Variants in ARHGEF28 observed in about 807,000 individuals in gnomAD.
ARHGEF28 encodes the protein Rho guanine nucleotide exchange factor 28.
Under a neutral mutation model 206.6 loss-of-function variants are expected in ARHGEF28, and 152 were observed. The ratio of observed to expected loss-of-function variants is 0.74; its 90% CI spans 0.64 to 0.84. ARHGEF28 has a LOEUF of 0.84. ARHGEF28 is among the 40% of genes least tolerant of loss of function. The pLI, the probability that ARHGEF28 is intolerant of heterozygous loss-of-function variation, is 0.00. For missense variants in ARHGEF28, 2,028 were observed against 2,073.2 expected, an observed-to-expected ratio of 0.98 and a Z score of 0.42; for synonymous variants, 763 against 776.4, an observed-to-expected ratio of 0.98 and a Z score of 0.29.
chr5:73,753,843 T>A (rs1455316626), intron 4 of ARHGEF28, among the ~76,000 whole-genome samples: 1 of 152,138 alleles, frequency 6.6e-6, no homozygotes, highest in Non-Finnish European at 1.5e-5. Flanking sequence ...AAAAATAAAA[T>A]CTTTTTTTGA....
At chr5:73,860,404 C>T (rs1759324230) in intron 16 of ARHGEF28, among the ~76,000 whole-genome samples, 1 of 152,022 alleles carries the variant, frequency 6.6e-6, no homozygotes, top group South Asian at 2.1e-4. Context: ...CGTAGGGAGA[C>T]CATATGTGGG....
chr5:73,755,391 G>T (rs1256019498), intron 4 of ARHGEF28, among the ~76,000 whole-genome samples: 2 of 152,038 alleles, frequency 1.3e-5, no homozygotes, highest in African/African-American at 2.4e-5. Context: ...GAGCATCACA[G>T]CCTCACGCAG....
At chr5:73,916,514 C>T (rs960881753) in intron 35 of ARHGEF28, among the ~76,000 whole-genome samples, 3 of 152,198 alleles carry the variant, frequency 2.0e-5, no homozygotes, top group East Asian at 1.9e-4. Context: ...CCTTGACTTG[C>T]GGATGAGATG....
intron 1 of ARHGEF28, among the ~76,000 whole-genome samples, chr5:73,673,113 A>G (rs1746447663): frequency 6.6e-6 from 1 of 152,234 alleles, no homozygotes; most frequent in Non-Finnish European, 1.5e-5. Flanking sequence ...AAACAGGTCT[A>G]TAGACACTGT....
chr5:73,647,809 C>G (rs1302135147), intron 1 of ARHGEF28, among the ~76,000 whole-genome samples: 1 of 152,236 alleles, frequency 6.6e-6, no homozygotes, highest in Non-Finnish European at 1.5e-5. Flanking sequence ...CTTAATTACT[C>G]TCTACTCCTA....
At chr5:73,748,171 T>C (rs1259407104) in intron 2 of ARHGEF28, among the ~76,000 whole-genome samples, 1 of 152,234 alleles carries the variant, frequency 6.6e-6, no homozygotes, top group Non-Finnish European at 1.5e-5. Context: ...CTCTCAGTCA[T>C]GTTAGACATT....
At chr5:73,888,236 T>C (rs369260973) in intron 26 of ARHGEF28, among the ~76,000 whole-genome samples, 1 of 152,230 alleles carries the variant, frequency 6.6e-6, no homozygotes, top group African/African-American at 2.4e-5. Flanking sequence ...TGACAGAAGA[T>C]TCTTTCTTAT....
chr5:73,886,239 T>G (rs1032420901), intron 25 of ARHGEF28, 135 bp downstream of exon 25: 2 of 1,172,080 alleles, frequency 1.7e-6, no homozygotes, highest in Non-Finnish European at 2.3e-6. Flanking sequence ...AAAGATTGAT[T>G]TGTGAATTTC....
chr5:73,864,552 CAT>C (rs1263300708), intron 16 of ARHGEF28, among the ~76,000 whole-genome samples: 1 of 152,140 alleles, frequency 6.6e-6, no homozygotes, highest in Non-Finnish European at 1.5e-5. Flanking sequence ...GTATATCATT[CAT>C]AACTTCAGAT....
At chr5:73,690,939 T>A (rs1386945728) in intron 2 of ARHGEF28, among the ~76,000 whole-genome samples, 1 of 148,502 alleles carries the variant, frequency 6.7e-6, no homozygotes, top group Non-Finnish European at 1.5e-5. Flanking sequence ...AAGTTCCACC[T>A]TTTTTTTTTG....
intron 4 of ARHGEF28, among the ~76,000 whole-genome samples, chr5:73,760,356 CA>C (rs1752539982): frequency 6.6e-6 from 1 of 150,828 alleles, no homozygotes; most frequent in African/African-American, 2.4e-5. Context: ...ACAACTGATT[CA>C]GGGGTTTTGT....
At chr5:73,807,705 C>T (rs983787991) in intron 9 of ARHGEF28, among the ~76,000 whole-genome samples, 15 of 151,768 alleles carry the variant, frequency 9.9e-5, no homozygotes, top group African/African-American at 3.1e-4. Context: ...AGGCTGGTCT[C>T]GAACTCCTGA....
At chr5:73,653,722 G>A (rs1744987201) in intron 1 of ARHGEF28, among the ~76,000 whole-genome samples, 1 of 152,176 alleles carries the variant, frequency 6.6e-6, no homozygotes, top group African/African-American at 2.4e-5. Context: ...CTAGCTAACT[G>A]TGTTCATCCA....
At chr5:73,859,555 G>A (rs1759261920) in intron 16 of ARHGEF28, among the ~76,000 whole-genome samples, 1 of 152,156 alleles carries the variant, frequency 6.6e-6, no homozygotes, top group Non-Finnish European at 1.5e-5. Flanking sequence ...GTTTAATTAT[G>A]CTGACTTTAT....
chr5:73,838,362 T>A (rs183879268), intron 10 of ARHGEF28, among the ~76,000 whole-genome samples: 1 of 152,332 alleles, frequency 6.6e-6, no homozygotes, highest in East Asian at 1.9e-4. Flanking sequence ...GAAAATAATC[T>A]TATCTAATTT....
At chr5:73,741,654 C>A (rs926624292) in intron 2 of ARHGEF28, among the ~76,000 whole-genome samples, 2 of 150,900 alleles carry the variant, frequency 1.3e-5, no homozygotes, top group African/African-American at 4.9e-5. Context: ...CTCCCGACCA[C>A]GTGATCCACC....
At chr5:73,763,603 G>A (rs1400289601) in intron 4 of ARHGEF28, among the ~76,000 whole-genome samples, 2 of 152,158 alleles carry the variant, frequency 1.3e-5, no homozygotes, top group East Asian at 3.9e-4. Flanking sequence ...AAGTGGGAGG[G>A]CGTCTGAGAA....
At chr5:73,924,040 A>G (rs2068729) in intron 35 of ARHGEF28, among the ~76,000 whole-genome samples, 4,657 of 152,356 alleles carry the variant, frequency 0.031, 163 homozygotes, top group African/African-American at 0.088. Flanking sequence ...CAGACCAGAC[A>G]TGTTCCTGTG....
At position 73,909,651 on chromosome 5, in the gene ARHGEF28, C is replaced by G; in HGVS notation, c.4401C>G (p.Thr1467=). ...RCEQQQRAQA[T]RESWLQERER... is the part of the protein sequence containing the mutation. ...AGCAGCAGCAGCGGGCGCAGGCGAC[C>G]AGGGAGAGCTGGCTGCAGGAGCGGG... The change falls in exon 34 of 36, where the codon ACC becomes ACG. Residue 1467 remains threonine (T), a synonymous_variant. Transcript: ENST00000513042. 6.5e-7 allele frequency: 1 copy of G among 1,546,848 alleles called. No homozygotes were observed. Among genetic ancestry groups the G allele is most frequent in the Non-Finnish European group, 8.7e-7 (1 of 1,145,308 alleles).
Sources: allele counts gnomAD v4.1 joint callset (sites outside exome capture counted in the v4.1 genomes callset), GRCh38; gene constraint gnomAD v4.1.1; transcripts MANE v1.5; gene names NCBI Gene and HGNC (gene_info 2026-07-23, HGNC 2026-07-21).